ANKRD44: variants seen among roughly 807,000 people sequenced by gnomAD.
ANKRD44 encodes ankyrin repeat domain 44.
ANKRD44 carries 35 observed loss-of-function variants against 116.0 expected under a neutral mutation model. The ratio of observed to expected loss-of-function variants is 0.30; its 90% CI spans 0.23 to 0.40. The LOEUF is 0.40. Among genes scored for constraint, ANKRD44 ranks in the 10% least tolerant of loss-of-function variants. ANKRD44 has a pLI of 1.00. For missense variants in ANKRD44, 1,014 were observed against 1,242.6 expected, an observed-to-expected ratio of 0.82 and a Z score of 2.77; for synonymous variants, 435 against 461.8, an observed-to-expected ratio of 0.94 and a Z score of 0.74.
In ANKRD44 at chr2:197,277,517, C is replaced by T. The variant is rs144645464; in HGVS notation, c.27+33061G>A. The stretch of plus-strand genomic sequence containing the variant: ...CCGTGACTGCAGAGGCCTTTACATA[C>T]ATTATCTCCATCCAAATTCAAAGCT... On this transcript the variant is annotated intron_variant, in intron 1 of 27. Transcript: ENST00000282272. Among the ~76,000 whole-genome samples the T allele has an allele frequency of 7.7e-4, 117 of 152,238 alleles. 1 individual carries two copies. The highest frequency in any genetic ancestry group is 2.7e-3 in the African/African-American group (110 of 41,480).
intron 1 of ANKRD44, among the ~76,000 whole-genome samples, chr2:197,198,517 C>G (rs1015957978): frequency 2.6e-5 from 4 of 152,112 alleles, no homozygotes; most frequent in African/African-American, 9.7e-5. Flanking sequence ...TTTGACCGGG[C>G]ATGGTGGCTC....
downstream of ANKRD44, among the ~76,000 whole-genome samples, chr2:196,984,721 C>G (rs2075824873): frequency 6.6e-6 from 1 of 152,176 alleles, no homozygotes; most frequent in African/African-American, 2.4e-5. Flanking sequence ...AATTAGGGAT[C>G]TCTACATTTT....
At chr2:197,058,535 G>A (rs952013441) in intron 16 of ANKRD44, among the ~76,000 whole-genome samples, 1 of 151,862 alleles carries the variant, frequency 6.6e-6, no homozygotes, top group Admixed American at 6.6e-5. Flanking sequence ...ACTTATAGTT[G>A]ATGTCAGCTG....
chr2:197,195,026 C>A (rs1339252033), intron 1 of ANKRD44, among the ~76,000 whole-genome samples: 1 of 152,144 alleles, frequency 6.6e-6, no homozygotes, highest in Non-Finnish European at 1.5e-5. Flanking sequence ...TTAACCTAAT[C>A]TTTTTGGTGC....
chr2:197,192,100 C>T (rs922740463), intron 1 of ANKRD44, among the ~76,000 whole-genome samples: 1 of 152,188 alleles, frequency 6.6e-6, no homozygotes. Flanking sequence ...TCCCACATCC[C>T]GCAAAATCCC....
At chr2:197,258,737 C>T (rs1176764176) in intron 1 of ANKRD44, among the ~76,000 whole-genome samples, 1 of 152,194 alleles carries the variant, frequency 6.6e-6, no homozygotes, top group African/African-American at 2.4e-5. Flanking sequence ...TTCCCCACAT[C>T]CTCACCAAGA....
intron 17 of ANKRD44, among the ~76,000 whole-genome samples, chr2:197,017,534 G>A (rs1342112368): frequency 6.6e-6 from 1 of 152,110 alleles, no homozygotes; most frequent in Non-Finnish European, 1.5e-5. Context: ...TTTTGATTAT[G>A]TTACATATTA....
chr2:197,225,497 C>T (rs1391104122), intron 1 of ANKRD44, among the ~76,000 whole-genome samples: 1 of 152,138 alleles, frequency 6.6e-6, no homozygotes, highest in African/African-American at 2.4e-5. Context: ...GTTCCAACCA[C>T]CACACCCAGC....
At chr2:197,063,715 C>G (rs1303196216) in intron 16 of ANKRD44, among the ~76,000 whole-genome samples, 1 of 152,024 alleles carries the variant, frequency 6.6e-6, no homozygotes, top group South Asian at 2.1e-4. Flanking sequence ...GATTGAAGAT[C>G]AAATGAATGA....
intron 1 of ANKRD44, among the ~76,000 whole-genome samples, chr2:197,302,827 C>A (rs1354264989): frequency 6.6e-6 from 1 of 152,190 alleles, no homozygotes; most frequent in Non-Finnish European, 1.5e-5. Flanking sequence ...CTGGGCCAAC[C>A]CTTCAGAAAT....
At chr2:197,226,069 T>C (rs2081704976) in intron 1 of ANKRD44, among the ~76,000 whole-genome samples, 1 of 152,262 alleles carries the variant, frequency 6.6e-6, no homozygotes, top group Non-Finnish European at 1.5e-5. Context: ...TCAATAACTC[T>C]TTAATAACTT....
intron 1 of ANKRD44, among the ~76,000 whole-genome samples, chr2:197,282,507 G>A (rs1029842397): frequency 2.0e-5 from 3 of 152,158 alleles, no homozygotes; most frequent in African/African-American, 7.2e-5. Flanking sequence ...GAATGGTTTT[G>A]ATGTGGTGTG....
chr2:197,072,208 T>C (rs1020453055), intron 16 of ANKRD44, among the ~76,000 whole-genome samples: 2 of 152,210 alleles, frequency 1.3e-5, no homozygotes, highest in Non-Finnish European at 2.9e-5. Context: ...ACAAAAAATC[T>C]TCCTTTTTCT....
intron 7 of ANKRD44, 143 bp downstream of exon 7, chr2:197,122,507 T>C: frequency 9.7e-7 from 1 of 1,029,174 alleles, no homozygotes; most frequent in South Asian, 1.7e-5. Context: ...CCTTCATCAG[T>C]TGCCCACAAA....
chr2:197,218,525 A>G (rs1203703078), intron 1 of ANKRD44, among the ~76,000 whole-genome samples: 2 of 152,108 alleles, frequency 1.3e-5, no homozygotes, highest in Non-Finnish European at 2.9e-5. Flanking sequence ...TCCCAAACCA[A>G]TAACTACAGT....
intron 2 of ANKRD44, among the ~76,000 whole-genome samples, chr2:197,149,568 G>A (rs1033245668): frequency 1.3e-5 from 2 of 152,188 alleles, no homozygotes; most frequent in Non-Finnish European, 2.9e-5. Flanking sequence ...TTAGTGACAT[G>A]GCACAGACAG....
chr2:197,095,042 T>A (rs1405563556), intron 10 of ANKRD44, among the ~76,000 whole-genome samples: 1 of 152,230 alleles, frequency 6.6e-6, no homozygotes, highest in Non-Finnish European at 1.5e-5. Flanking sequence ...AACTCTCTTA[T>A]CTTTCTCTCC....
At chr2:197,128,951 A>C (rs1292793150) in intron 4 of ANKRD44, among the ~76,000 whole-genome samples, 3 of 152,174 alleles carry the variant, frequency 2.0e-5, no homozygotes, top group Non-Finnish European at 4.4e-5. Context: ...TGAAATAAAA[A>C]TGAGATAAAA....
intron 27 of ANKRD44, among the ~76,000 whole-genome samples, chr2:196,993,030 T>A (rs977698421): frequency 6.6e-6 from 1 of 152,172 alleles, no homozygotes; most frequent in African/African-American, 2.4e-5. Context: ...AAGAATTAGT[T>A]CATTAGGAAA....
Sources: gnomAD v4.1 joint callset for allele counts (sites outside exome capture counted in the v4.1 genomes callset) on GRCh38, gnomAD v4.1.1 for gene constraint, MANE v1.5 for transcripts, NCBI Gene and HGNC (gene_info 2026-07-23, HGNC 2026-07-21) for gene names.